SF3B3: variants seen among roughly 807,000 people sequenced by gnomAD.
SF3B3 encodes the protein SAP 130.
SF3B3 carries 33 observed loss-of-function variants against 139.2 expected under a neutral mutation model. That is an observed-to-expected ratio of 0.24 (90% CI 0.18 to 0.32). The LOEUF is 0.32. Ranked by LOEUF, SF3B3 falls within the 10% of genes least tolerant of loss-of-function variation. The pLI is 1.00. For missense variants in SF3B3, 818 were observed against 1,509.4 expected (o/e 0.54, Z 7.59); for synonymous variants, 596 against 563.6 (o/e 1.06, Z -0.81).
intron 17 of SF3B3, among the ~76,000 whole-genome samples, chr16:70,563,285 G>A (rs1255343975): frequency 2.6e-5 from 4 of 152,148 alleles, no homozygotes; most frequent in Admixed American, 6.5e-5. Flanking sequence ...CTTTTTTAAT[G>A]TAGAGAATAA....
intron 11 of SF3B3, among the ~76,000 whole-genome samples, chr16:70,548,732 G>T (rs1342291323): frequency 6.6e-6 from 1 of 152,198 alleles, no homozygotes; most frequent in Non-Finnish European, 1.5e-5. Context: ...TATTCATAAA[G>T]GTACTGGTTT....
intron 11 of SF3B3, among the ~76,000 whole-genome samples, chr16:70,551,638 G>A (rs1368695079): frequency 6.6e-6 from 1 of 152,140 alleles, no homozygotes. Flanking sequence ...GGAGGCGGAG[G>A]TTGCAGTGAG....
chr16:70,564,992 G>A, intron 18 of SF3B3, 73 bp from the exon 19 acceptor site: 1 of 1,420,202 alleles, frequency 7.0e-7, no homozygotes, highest in South Asian at 1.2e-5. Context: ...GAGTGTTCTT[G>A]CTACCTATCC....
At chr16:70,525,957 CAAAAAAAAA>C (rs920550920) in intron 1 of SF3B3, among the ~76,000 whole-genome samples, 11 of 42,272 alleles carry the variant, frequency 2.6e-4, no homozygotes, top group Non-Finnish European at 3.2e-4. Context: ...TGAGACGCCT[CAAAAAAAAA>C]AAAAAAAAAA....
chr16:70,556,361 TC>T (rs1390797182), intron 14 of SF3B3, 27 bp downstream of exon 14: 1 of 1,613,760 alleles, frequency 6.2e-7, no homozygotes, highest in South Asian at 1.1e-5. Context: ...GCTTCAAGGA[TC>T]ATCTGGTTGG....
At chr16:70,549,463 T>C (rs55952842) in intron 11 of SF3B3, among the ~76,000 whole-genome samples, 2,204 of 152,330 alleles carry the variant, frequency 0.014, 61 homozygotes, top group African/African-American at 0.05. Context: ...GTGTAGTATC[T>C]ACATAGAAGT....
intron 15 of SF3B3, among the ~76,000 whole-genome samples, chr16:70,559,559 TGCCTGTAGTCC>T (rs2050409359): frequency 2.0e-5 from 3 of 152,220 alleles, no homozygotes; most frequent in African/African-American, 7.2e-5. Context: ...TGGTGGCTCA[TGCCTGTAGTCC>T]CAGCTACTTG....
At chr16:70,564,978 C>G in intron 18 of SF3B3, 87 bp from the exon 19 acceptor site, 1 of 1,228,978 alleles carries the variant, frequency 8.1e-7, no homozygotes, top group South Asian at 1.2e-5. Flanking sequence ...TTGAGAACCC[C>G]CTGGAGTGTT....
At chr16:70,553,978 A>T (rs112029412) in intron 11 of SF3B3, 5 of 152,976 alleles carry the variant, frequency 3.3e-5, no homozygotes, top group African/African-American at 1.2e-4. Flanking sequence ...CAGAGGCTTA[A>T]GTAATCTCTA....
intron 20 of SF3B3, 100 bp from the exon 21 acceptor site, chr16:70,567,311 A>T (rs1178544182): frequency 1.5e-6 from 2 of 1,327,192 alleles, no homozygotes; most frequent in Non-Finnish European, 2.1e-6. Flanking sequence ...GTGTTTCTTA[A>T]TGATAGGCTC....
At chr16:70,557,453 G>C (rs969565138) in intron 15 of SF3B3, among the ~76,000 whole-genome samples, 1 of 152,178 alleles carries the variant, frequency 6.6e-6, no homozygotes, top group East Asian at 1.9e-4. Flanking sequence ...GTGCTTTAAC[G>C]CTAAGATAGT....
At position 70,571,293 on chromosome 16, in the gene SF3B3, C is replaced by T. The variant is rs2050526951; in HGVS notation, c.3513+94C>T. ...GGAATAGTACCAGGGAGGGTGCTCC[C>T]CTCAGGGCAGACCACAGCCAGAGCA... On this transcript the variant is annotated intron_variant, in intron 25 of 25. Coordinates refer to ENST00000302516, the MANE Select transcript of SF3B3 (RefSeq NM_012426.5). 7.6e-6 allele frequency: 7 copies of T among 920,048 alleles called. No individual in the cohort carries two copies. In the East Asian group the frequency reaches 1.7e-4, roughly 22 times the overall value. The allele number at this position is 920,048 out of a possible 1,614,324, so 57.0% of individuals were successfully genotyped here.
intron 22 of SF3B3, 26 bp from the exon 23 acceptor site, chr16:70,569,016 AG>A: frequency 1.3e-6 from 2 of 1,546,358 alleles, no homozygotes; most frequent in Non-Finnish European, 1.8e-6. Flanking sequence ...GGGCCCCAGC[AG>A]TGTGACTTGT....
chr16:70,553,079 G>GTATTT (rs1567419018), intron 11 of SF3B3, among the ~76,000 whole-genome samples: 3 of 152,052 alleles, frequency 2.0e-5, no homozygotes, highest in African/African-American at 7.2e-5. Context: ...GCTAATTTTT[G>GTATTT]TATTTTATTT....
chr16:70,532,680 T>C, intron 5 of SF3B3, 60 bp downstream of exon 5: 1 of 1,515,592 alleles, frequency 6.6e-7, no homozygotes, highest in South Asian at 1.1e-5. Flanking sequence ...TGCCCAAACC[T>C]AATAGGTTTT....
intron 9 of SF3B3, among the ~76,000 whole-genome samples, chr16:70,542,718 CTTTTTTTTTTCT>C (rs2050231203): frequency 6.9e-6 from 1 of 145,270 alleles, no homozygotes; most frequent in East Asian, 2.0e-4. Flanking sequence ...CTTTTTTTTT[CTTTTTTTTTTCT>C]TTTTTTTTTG....
chr16:70,549,761 C>T (rs2050304514), intron 11 of SF3B3, among the ~76,000 whole-genome samples: 1 of 152,008 alleles, frequency 6.6e-6, no homozygotes, highest in Admixed American at 6.6e-5. Context: ...CCCATCTCTA[C>T]TAAAAATACA....
At chr16:70,565,710 A>G in intron 20 of SF3B3, 186 bp downstream of exon 20, 4 of 594,952 alleles carry the variant, frequency 6.7e-6, no homozygotes, top group Non-Finnish European at 8.9e-6. Flanking sequence ...TTCCACAGGA[A>G]GGCTTTGTGC....
At chr16:70,564,305 A>C (rs899730947) in intron 18 of SF3B3, among the ~76,000 whole-genome samples, 1 of 152,178 alleles carries the variant, frequency 6.6e-6, no homozygotes. Context: ...CCAGGAGTTC[A>C]AGACTGCAGT....
Sources: gnomAD v4.1 joint callset for allele counts (sites outside exome capture counted in the v4.1 genomes callset) on GRCh38, gnomAD v4.1.1 for gene constraint, MANE v1.5 for transcripts, NCBI Gene and HGNC (gene_info 2026-07-23, HGNC 2026-07-21) for gene names.